The following TRAPPC9 variants were observed in gnomAD, a reference collection of about 807,000 sequenced individuals.
TRAPPC9 encodes the protein trafficking protein particle complex subunit 9, also known as IKK2 binding protein.
In TRAPPC9, 83 loss-of-function variants were observed where a neutral mutation model predicts 124.0. That is an observed-to-expected ratio of 0.67 (90% CI 0.56 to 0.80). The LOEUF (loss-of-function observed/expected upper bound fraction) is 0.80, where lower values mean the gene tolerates loss of function less well. Ranked by LOEUF, TRAPPC9 falls within the 30% of genes least tolerant of loss-of-function variation. The probability of loss-of-function intolerance (pLI) is 0.00; values close to 1 mark genes in which losing one functional copy is unlikely to be tolerated. For synonymous variants in TRAPPC9, 638 were observed against 617.5 expected, an observed-to-expected ratio of 1.03 and a Z score of -0.49; for missense variants, 1,302 against 1,508.3, an observed-to-expected ratio of 0.86 and a Z score of 2.27.
chr8:139,792,665 G>C (rs2130615936), intron 21 of TRAPPC9, among the ~76,000 whole-genome samples: 1 of 152,300 alleles, frequency 6.6e-6, no homozygotes, highest in African/African-American at 2.4e-5. Context: ...ACCAGTCCTG[G>C]GTGTCTGCAC....
At chr8:139,781,404 A>G (rs112666523) in intron 21 of TRAPPC9, among the ~76,000 whole-genome samples, 1,922 of 152,348 alleles carry the variant, frequency 0.013, 48 homozygotes, top group African/African-American at 0.044. Flanking sequence ...AATATGAAAA[A>G]GCTACACACT....
At chr8:139,735,179 T>A (rs1428428837) in intron 21 of TRAPPC9, among the ~76,000 whole-genome samples, 1 of 152,186 alleles carries the variant, frequency 6.6e-6, no homozygotes, top group African/African-American at 2.4e-5. Flanking sequence ...CGCTTCTATC[T>A]ATGGGACCCC....
chr8:140,435,173 A>G lies in TRAPPC9; in HGVS notation c.798T>C (p.Ser266=), dbSNP rs780293705. 4.5e-5 allele frequency: 73 copies of G among 1,613,870 alleles called. No homozygotes were observed. The highest frequency in any genetic ancestry group is 6.1e-5 in the Non-Finnish European group (72 of 1,179,898). ...TGCTGCCCTGGAACCTCCGAGCTCCACTCTTCCCACCAGTTCCACCAGGAT... is the reference window on the plus strand; with the variant it reads ...TGCTGCCCTGGAACCTCCGAGCTCCGCTCTTCCCACCAGTTCCACCAGGAT... ...YHYPGGTGGK[S]GARRFQGSTL... The change falls in exon 4 of 23, where the codon AGT becomes AGC. Residue 266 remains serine, a synonymous_variant. Transcript: ENST00000438773.
intron 21 of TRAPPC9, among the ~76,000 whole-genome samples, chr8:139,798,924 CCT>C (rs1457341798): frequency 2.6e-5 from 4 of 152,128 alleles, no homozygotes; most frequent in African/African-American, 7.2e-5. Context: ...GATTCTGTTC[CCT>C]GTTTTCTCAA....
chr8:140,393,906 G>A (rs1485536932), intron 7 of TRAPPC9, among the ~76,000 whole-genome samples: 3 of 152,194 alleles, frequency 2.0e-5, no homozygotes, highest in Admixed American at 6.5e-5. Flanking sequence ...CTCAAGCCAA[G>A]CGTCGTGCTG....
chr8:139,766,188 C>T (rs1820573080), intron 21 of TRAPPC9, among the ~76,000 whole-genome samples: 1 of 152,246 alleles, frequency 6.6e-6, no homozygotes, highest in African/African-American at 2.4e-5. Flanking sequence ...GCCTCAGGCT[C>T]CCTCACCAGC....
intron 15 of TRAPPC9, among the ~76,000 whole-genome samples, chr8:140,274,375 C>T (rs561190252): frequency 2.0e-5 from 3 of 152,372 alleles, no homozygotes; most frequent in South Asian, 4.1e-4. Flanking sequence ...GGCTGCCCCA[C>T]GGCTCCAGCC....
In TRAPPC9 at chr8:139,905,217, C is replaced by G. The variant is rs1173537276; in HGVS notation, c.2964+4930G>C. The stretch of plus-strand genomic sequence containing the variant: ...CACAGACATTACAAACAAGCATGCT[C>G]TTATCAAGCAGGAGAGGTCTGGGTC... On this transcript the variant is annotated intron_variant, in intron 20 of 22. Transcript: ENST00000438773. Among the ~76,000 whole-genome samples, 10 of 151,852 alleles carry G rather than the reference C, an allele frequency of 6.6e-5. No individual in the cohort carries two copies. In the East Asian group the frequency reaches 1.9e-3, roughly 30 times the overall value.
At chr8:140,456,182 G>C (rs952803744) in intron 1 of TRAPPC9, among the ~76,000 whole-genome samples, 13 of 152,156 alleles carry the variant, frequency 8.5e-5, no homozygotes, top group Admixed American at 5.2e-4. Flanking sequence ...GGCCAAGGCG[G>C]GTGGATCACG....
intron 16 of TRAPPC9, among the ~76,000 whole-genome samples, chr8:140,249,476 T>C (rs1413330526): frequency 6.6e-6 from 1 of 152,174 alleles, no homozygotes; most frequent in Non-Finnish European, 1.5e-5. Flanking sequence ...TTGTAAATAG[T>C]TAAAGACACT....
At chr8:139,809,975 C>A (rs893139565) in intron 21 of TRAPPC9, among the ~76,000 whole-genome samples, 1 of 152,196 alleles carries the variant, frequency 6.6e-6, no homozygotes, top group Non-Finnish European at 1.5e-5. Context: ...CATCTGGCAT[C>A]TCTGCACATC....
intron 1 of TRAPPC9, among the ~76,000 whole-genome samples, chr8:140,452,173 C>A (rs914471041): frequency 2.0e-5 from 3 of 149,374 alleles, no homozygotes; most frequent in Non-Finnish European, 3.0e-5. Flanking sequence ...GTAATCCCAG[C>A]ACTTTGGGAA....
intron 9 of TRAPPC9, among the ~76,000 whole-genome samples, chr8:140,312,353 C>T (rs1008082921): frequency 3.3e-5 from 5 of 152,126 alleles, no homozygotes; most frequent in Non-Finnish European, 7.4e-5. Context: ...AAGTTAGATC[C>T]GACTCCAGGA....
intron 17 of TRAPPC9, among the ~76,000 whole-genome samples, chr8:140,080,906 A>T (rs1400945391): frequency 2.0e-5 from 3 of 152,184 alleles, no homozygotes; most frequent in Non-Finnish European, 2.9e-5. Flanking sequence ...TTCAGAGCAC[A>T]AAGGGTTTCA....
chr8:140,212,482 C>T (rs558586957), intron 17 of TRAPPC9, among the ~76,000 whole-genome samples: 2 of 152,272 alleles, frequency 1.3e-5, no homozygotes, highest in Admixed American at 6.5e-5. Context: ...ATAGTAGATG[C>T]TCAATTTTTG....
chr8:140,047,712 G>A (rs1327893968), intron 17 of TRAPPC9, among the ~76,000 whole-genome samples: 3 of 152,162 alleles, frequency 2.0e-5, no homozygotes, highest in African/African-American at 7.2e-5. Context: ...GAGGGGCTGG[G>A]TGCCAGCCCC....
At chr8:140,344,990 G>C (rs946616232) in intron 9 of TRAPPC9, among the ~76,000 whole-genome samples, 1 of 152,228 alleles carries the variant, frequency 6.6e-6, no homozygotes. Context: ...CCACGACAGC[G>C]TCAAGGTTTC....
At position 140,282,564 on chromosome 8, in the gene TRAPPC9, CAA is replaced by C. The variant is rs36115226; in HGVS notation, c.2114+1323_2114+1324del. On this transcript the variant is annotated intron_variant, in intron 14 of 22. Transcript: ENST00000438773. Reference sequence around the variant, plus strand: ...CCTGGGCAACAGAGCAAGACTCCGTCAAAAAAAAAAAAAAATTGAGACCATCC... The same window carrying C: ...CCTGGGCAACAGAGCAAGACTCCGTCAAAAAAAAAAAAATTGAGACCATCC... 2.3e-3 allele frequency among the ~76,000 whole-genome samples: 326 copies of C among 140,028 alleles called. 3 individuals are homozygous for C. The highest frequency in any genetic ancestry group is 4.0e-3 in the African/African-American group (153 of 37,880). The allele number at this position is 140,028 out of a possible 152,430, so 91.9% of individuals were successfully genotyped here.
chr8:139,982,750 C>T (rs1177162352), intron 19 of TRAPPC9, among the ~76,000 whole-genome samples: 6 of 152,226 alleles, frequency 3.9e-5, no homozygotes, highest in Non-Finnish European at 8.8e-5. Flanking sequence ...TACATCCAAT[C>T]GCTTCAGTAT....
Sources: gnomAD v4.1 joint callset for allele counts (sites outside exome capture counted in the v4.1 genomes callset) on GRCh38, gnomAD v4.1.1 for gene constraint, MANE v1.5 for transcripts, NCBI Gene and HGNC (gene_info 2026-07-23, HGNC 2026-07-21) for gene names.